Variants in GRM8 observed in about 807,000 individuals in gnomAD.
GRM8 encodes metabotropic glutamate receptor 8.
A neutral mutation model predicts 87.2 loss-of-function variants in GRM8; 47 were observed. The ratio of observed to expected loss-of-function variants is 0.54; its 90% CI spans 0.43 to 0.69. The LOEUF (loss-of-function observed/expected upper bound fraction) is 0.69. GRM8 is among the 30% of genes least tolerant of loss of function. GRM8 has a pLI of 0.00. For missense variants in GRM8, 1,019 were observed against 1,139.2 expected (o/e 0.89, Z 1.52); for synonymous variants, 396 against 404.5 (o/e 0.98, Z 0.25).
intron 9 of GRM8, among the ~76,000 whole-genome samples, chr7:126,505,935 G>T (rs1452305468): frequency 2.0e-5 from 3 of 151,932 alleles, no homozygotes; most frequent in South Asian, 2.1e-4. Context: ...GTACATTAGG[G>T]GTCAAGAACT....
intron 6 of GRM8, among the ~76,000 whole-genome samples, chr7:126,886,422 G>T (rs867010329): frequency 1.2e-4 from 18 of 152,044 alleles, no homozygotes; most frequent in Middle Eastern, 3.2e-3. Context: ...TTTGATCAGA[G>T]ATCTAGTGCA....
At chr7:127,205,829 T>C (rs1044149913) in intron 2 of GRM8, among the ~76,000 whole-genome samples, 5 of 152,128 alleles carry the variant, frequency 3.3e-5, no homozygotes, top group Non-Finnish European at 7.4e-5. Context: ...CCAGGCTCCA[T>C]GTATTCCCTT....
At chr7:126,969,452 G>A (rs1246184488) in intron 3 of GRM8, among the ~76,000 whole-genome samples, 1 of 152,098 alleles carries the variant, frequency 6.6e-6, no homozygotes, top group Non-Finnish European at 1.5e-5. Flanking sequence ...TCTTCACCAG[G>A]AGTAGATTCC....
At chr7:126,811,000 C>G (rs2151737868) in intron 6 of GRM8, among the ~76,000 whole-genome samples, 1 of 152,112 alleles carries the variant, frequency 6.6e-6, no homozygotes, top group South Asian at 2.1e-4. Flanking sequence ...GTTATAGTAT[C>G]AGGTCTCACA....
intron 3 of GRM8, among the ~76,000 whole-genome samples, chr7:127,071,888 T>C (rs1329742690): frequency 1.3e-5 from 2 of 152,036 alleles, no homozygotes; most frequent in East Asian, 3.9e-4. Flanking sequence ...ATGGTAAAAA[T>C]AGAAATAGGT....
At chr7:127,142,201 C>T (rs1046236653) in intron 2 of GRM8, among the ~76,000 whole-genome samples, 1 of 152,050 alleles carries the variant, frequency 6.6e-6, no homozygotes, top group African/African-American at 2.4e-5. Context: ...TGGTCTCAAA[C>T]TCCTGGCTTC....
intron 7 of GRM8, among the ~76,000 whole-genome samples, chr7:126,741,449 T>C (rs1814979400): frequency 2.0e-5 from 3 of 152,142 alleles, no homozygotes; most frequent in Non-Finnish European, 2.9e-5. Flanking sequence ...GAGATGCACA[T>C]GATATGTCTG....
At chr7:127,111,245 A>C (rs1353500507) in intron 2 of GRM8, 1 of 152,218 alleles carries the variant, frequency 6.6e-6, no homozygotes, top group Non-Finnish European at 1.5e-5. Flanking sequence ...CTATTCTGTG[A>C]ATATTGGACT....
At chr7:127,160,000 T>C (rs1171565863) in intron 2 of GRM8, among the ~76,000 whole-genome samples, 1 of 152,114 alleles carries the variant, frequency 6.6e-6, no homozygotes. Context: ...AATACTGTAA[T>C]GGAATGTAAA....
At chr7:127,009,989 T>C (rs2132100896) in intron 3 of GRM8, among the ~76,000 whole-genome samples, 1 of 152,070 alleles carries the variant, frequency 6.6e-6, no homozygotes, top group East Asian at 1.9e-4. Context: ...ACTACAGGCA[T>C]GCACCACCAC....
At chr7:126,593,823 G>A (rs1186312076) in intron 8 of GRM8, among the ~76,000 whole-genome samples, 1 of 151,992 alleles carries the variant, frequency 6.6e-6, no homozygotes, top group South Asian at 2.1e-4. Flanking sequence ...CCTACAGAAT[G>A]GGAGAAAATA....
At chr7:126,770,308 A>G (rs533562990) in intron 6 of GRM8, among the ~76,000 whole-genome samples, 3 of 152,280 alleles carry the variant, frequency 2.0e-5, no homozygotes, top group African/African-American at 7.2e-5. Context: ...GTATAGTTTC[A>G]TTATCTTTTT....
chr7:126,453,725 A>T (rs1162955953), intron 9 of GRM8, among the ~76,000 whole-genome samples: 2 of 151,890 alleles, frequency 1.3e-5, no homozygotes, highest in Non-Finnish European at 2.9e-5. Flanking sequence ...GCCTGATGGA[A>T]AATTTAAAAA....
At chr7:126,710,892 G>C (rs112891899) in intron 7 of GRM8, among the ~76,000 whole-genome samples, 4,643 of 152,256 alleles carry the variant, frequency 0.03, 240 homozygotes, top group African/African-American at 0.11. Flanking sequence ...TACATTTCTT[G>C]GCTGGGTACA....
At chr7:126,720,943 C>T (rs1812328655) in intron 7 of GRM8, among the ~76,000 whole-genome samples, 1 of 152,164 alleles carries the variant, frequency 6.6e-6, no homozygotes, top group Admixed American at 6.5e-5. Flanking sequence ...CCTTCCTTCA[C>T]TTTTTCCCTC....
chr7:127,156,392 A>G (rs1792735721), intron 2 of GRM8, among the ~76,000 whole-genome samples: 1 of 152,184 alleles, frequency 6.6e-6, no homozygotes, highest in Non-Finnish European at 1.5e-5. Flanking sequence ...TCCACAGCCC[A>G]AAGCTTAGGA....
At chr7:126,667,013 C>T (rs28406066) in intron 7 of GRM8, among the ~76,000 whole-genome samples, 1,722 of 152,150 alleles carry the variant, frequency 0.011, 36 homozygotes, top group African/African-American at 0.039. Flanking sequence ...TATAGCTGGT[C>T]TCAAGGTTTG....
At chr7:126,849,768 T>C (rs953637391) in intron 6 of GRM8, among the ~76,000 whole-genome samples, 1 of 152,048 alleles carries the variant, frequency 6.6e-6, no homozygotes, top group African/African-American at 2.4e-5. Flanking sequence ...ACCCACCTCA[T>C]CTGGTCTGCA....
intron 7 of GRM8, among the ~76,000 whole-genome samples, chr7:126,737,195 C>A (rs1007733114): frequency 6.6e-6 from 1 of 151,998 alleles, no homozygotes; most frequent in Admixed American, 6.6e-5. Context: ...TATTGTAAAG[C>A]CTAAGACCAG....
Sources: gnomAD v4.1 joint callset for allele counts (sites outside exome capture counted in the v4.1 genomes callset) on GRCh38, gnomAD v4.1.1 for gene constraint, MANE v1.5 for transcripts, NCBI Gene and HGNC (gene_info 2026-07-23, HGNC 2026-07-21) for gene names.